Variants in TMEM117 observed in about 807,000 individuals in gnomAD.
The protein encoded by TMEM117 is transmembrane protein 117.
Under a neutral mutation model 52.4 loss-of-function variants are expected in TMEM117, and 27 were observed. The observed-to-expected ratio is 0.51, with a 90% CI of 0.38 to 0.71. The LOEUF is 0.71. Ranked by LOEUF, TMEM117 falls within the 30% of genes least tolerant of loss-of-function variation. The pLI is 0.00. For synonymous variants in TMEM117, 215 were observed against 206.3 expected (o/e 1.04, Z -0.36); for missense variants, 556 against 630.5 (o/e 0.88, Z 1.26).
chr12:43,805,460 G>A, the TMEM117 span: 2 of 442,276 alleles, frequency 4.5e-6, no homozygotes, highest in South Asian at 3.2e-5. Context: ...GTTTACACTA[G>A]AACTCGTTAA....
intron 6 of TMEM117, among the ~76,000 whole-genome samples, chr12:44,305,505 A>G (rs1218666383): frequency 6.6e-6 from 1 of 150,730 alleles, no homozygotes; most frequent in Non-Finnish European, 1.5e-5. Flanking sequence ...ACATGAACAG[A>G]CACTTCTCAA....
the TMEM117 span, chr12:43,805,460 G>T: frequency 2.3e-6 from 1 of 442,278 alleles, no homozygotes; most frequent in Non-Finnish European, 4.6e-6. Flanking sequence ...GTTTACACTA[G>T]AACTCGTTAA....
chr12:44,374,456 A>G (rs1565771252), intron 6 of TMEM117, among the ~76,000 whole-genome samples: 1 of 152,080 alleles, frequency 6.6e-6, no homozygotes, highest in Non-Finnish European at 1.5e-5. Flanking sequence ...CCAGGCCCAA[A>G]CTACCTTCTC....
At chr12:43,870,112 ATGC>A (rs1565727822) in intron 2 of TMEM117, among the ~76,000 whole-genome samples, 1 of 152,178 alleles carries the variant, frequency 6.6e-6, no homozygotes, top group Non-Finnish European at 1.5e-5. Context: ...ATTCCTTTTT[ATGC>A]TGCATAGTAT....
chr12:44,014,587 T>C (rs1946345375), intron 3 of TMEM117, among the ~76,000 whole-genome samples: 2 of 152,188 alleles, frequency 1.3e-5, no homozygotes, highest in Admixed American at 6.5e-5. Context: ...ATTTGTTAAG[T>C]ATAAGTAGAT....
At chr12:43,876,586 CA>C (rs1050476805) in intron 2 of TMEM117, among the ~76,000 whole-genome samples, 3 of 152,146 alleles carry the variant, frequency 2.0e-5, no homozygotes, top group Admixed American at 6.5e-5. Context: ...TATACAATTT[CA>C]AATATTTTTT....
chr12:44,365,687 A>G (rs1222002941), intron 6 of TMEM117, among the ~76,000 whole-genome samples: 2 of 152,136 alleles, frequency 1.3e-5, no homozygotes, highest in East Asian at 3.9e-4. Context: ...TTCATGACAA[A>G]TGTTTGTTTG....
chr12:44,247,315 A>C (rs1950143175), intron 5 of TMEM117, among the ~76,000 whole-genome samples: 1 of 152,198 alleles, frequency 6.6e-6, no homozygotes, highest in South Asian at 2.1e-4. Context: ...CCACCGATTA[A>C]ATTATGGAAA....
intron 3 of TMEM117, among the ~76,000 whole-genome samples, chr12:44,088,731 T>C (rs964756691): frequency 4.6e-5 from 7 of 152,180 alleles, no homozygotes; most frequent in Non-Finnish European, 7.4e-5. Context: ...GAACCTATAA[T>C]TCTGCTGCAG....
At chr12:44,097,294 G>A (rs2138063154) in intron 3 of TMEM117, among the ~76,000 whole-genome samples, 1 of 152,248 alleles carries the variant, frequency 6.6e-6, no homozygotes, top group East Asian at 1.9e-4. Flanking sequence ...AACCATTGTG[G>A]AAGTCAGTGT....
the TMEM117 span, among the ~76,000 whole-genome samples, chr12:43,801,022 G>A: frequency 6.6e-6 from 1 of 152,030 alleles, no homozygotes; most frequent in African/African-American, 2.4e-5. Context: ...AAAGTTTAGG[G>A]ATTACAGGCA....
intron 4 of TMEM117, among the ~76,000 whole-genome samples, chr12:44,189,577 A>G (rs1285167997): frequency 6.6e-6 from 1 of 152,208 alleles, no homozygotes; most frequent in African/African-American, 2.4e-5. Context: ...GAAAGAAAAA[A>G]TAAACTTTTG....
At chr12:43,956,150 A>C (rs1204768222) in intron 3 of TMEM117, among the ~76,000 whole-genome samples, 1 of 152,212 alleles carries the variant, frequency 6.6e-6, no homozygotes. Context: ...CTCAAGATGG[A>C]TTAAAGCCTT....
At chr12:43,883,761 C>CAAA (rs10718021) in intron 2 of TMEM117, among the ~76,000 whole-genome samples, 55 of 140,586 alleles carry the variant, frequency 3.9e-4, no homozygotes, top group African/African-American at 1.4e-3. Context: ...GTATGAAAGA[C>CAAA]AAAAAAAAAA....
intron 6 of TMEM117, among the ~76,000 whole-genome samples, chr12:44,346,352 T>G (rs376834636): frequency 2.0e-4 from 30 of 152,072 alleles, no homozygotes; most frequent in African/African-American, 5.6e-4. Context: ...TCTGTGTGAG[T>G]TGTTCATAAA....
chr12:43,861,404 C>T (rs921616627), intron 2 of TMEM117, among the ~76,000 whole-genome samples: 1 of 152,144 alleles, frequency 6.6e-6, no homozygotes, highest in Non-Finnish European at 1.5e-5. Flanking sequence ...ATGAAAATGA[C>T]TCTTATCTGT....
At chr12:43,912,582 T>C (rs1042161011) in intron 2 of TMEM117, among the ~76,000 whole-genome samples, 4 of 148,742 alleles carry the variant, frequency 2.7e-5, no homozygotes, top group African/African-American at 7.8e-5. Context: ...ATCTGTTTTG[T>C]TAACTCCTAT....
At chr12:44,064,718 G>A (rs12321287) in intron 3 of TMEM117, among the ~76,000 whole-genome samples, 3,496 of 152,216 alleles carry the variant, frequency 0.023, 70 homozygotes, top group Middle Eastern at 0.058. Flanking sequence ...ACTAGGAATT[G>A]TATGCATAAT....
At chr12:44,259,790 A>G (rs925664986) in intron 5 of TMEM117, among the ~76,000 whole-genome samples, 3 of 152,192 alleles carry the variant, frequency 2.0e-5, no homozygotes, top group African/African-American at 7.2e-5. Flanking sequence ...CATTTGAAAC[A>G]TGTATTTTTA....
Sources: allele counts gnomAD v4.1 joint callset (sites outside exome capture counted in the v4.1 genomes callset), GRCh38; gene constraint gnomAD v4.1.1; transcripts MANE v1.5; gene names NCBI Gene and HGNC (gene_info 2026-07-23, HGNC 2026-07-21).